TMEM30A: variants seen among roughly 807,000 people sequenced by gnomAD.
TMEM30A encodes cell division cycle 50 P4-ATPase accessory subunit A.
In TMEM30A, 24 loss-of-function variants were observed where a neutral mutation model predicts 38.2. The observed-to-expected ratio is 0.63, with a 90% confidence interval of 0.46 to 0.88. The LOEUF (loss-of-function observed/expected upper bound fraction) is 0.88. Ranked by LOEUF, TMEM30A falls within the 40% of genes least tolerant of loss-of-function variation. The pLI, the probability that TMEM30A is intolerant of heterozygous loss-of-function variation, is 0.00. For missense variants in TMEM30A, 370 were observed against 458.6 expected, an observed-to-expected ratio of 0.81 and a Z score of 1.77; for synonymous variants, 145 against 161.6, an observed-to-expected ratio of 0.90 and a Z score of 0.78.
At chr6:75,265,015 T>C (rs1351985223) in intron 3 of TMEM30A, among the ~76,000 whole-genome samples, 2 of 151,874 alleles carry the variant, frequency 1.3e-5, no homozygotes, top group Non-Finnish European at 2.9e-5. Context: ...CAAAATTGCT[T>C]GAACCTGGGG....
chr6:75,281,485 A>AC (rs1474805981), intron 1 of TMEM30A, among the ~76,000 whole-genome samples: 3 of 152,142 alleles, frequency 2.0e-5, no homozygotes, highest in Non-Finnish European at 4.4e-5. Context: ...CTAAAAACCA[A>AC]CTAAACAAGA....
Position 75,254,703 on chromosome 6 carries a change from T to C in TMEM30A, c.*1399A>G, listed in dbSNP as rs1771839514. ...TAAACTCTGAGTAAACAGGCATTCT[T>C]CTACACAAACATGAGTTATTTCAGT... On this transcript the variant is annotated 3_prime_UTR_variant, in exon 7 of 7. Transcript: ENST00000230461. 6.6e-6 allele frequency: 1 copy of C among 152,386 alleles called. No homozygotes were observed. Among genetic ancestry groups the C allele is most frequent in the Non-Finnish European group, 1.5e-5 (1 of 67,936 alleles). 9.4% of individuals were successfully genotyped at this position (152,386 alleles called of 1,614,324 possible).
Position 75,256,026 on chromosome 6 carries a change from T to C in TMEM30A, c.*76A>G, listed in dbSNP as rs1771860124. The C allele has an allele frequency of 1.4e-5, 14 of 1,020,522 alleles. 1 individual carries two copies. The South Asian group carries it at 2.2e-4, about 16-fold the overall frequency. 63.2% of individuals were successfully genotyped at this position (1,020,522 alleles called of 1,614,324 possible). A position where few individuals can be genotyped will look rare whatever the true frequency, so the allele number is the denominator to read the frequency against. On this transcript the variant is annotated 3_prime_UTR_variant, in exon 7 of 7. Transcript: ENST00000230461. ...ACTTCAAAATGACATACTAACCAGA[T>C]ATCAGCATTCGAAAGCTAGGTTGAA...
At chr6:75,277,118 A>G (rs1032379501) in intron 1 of TMEM30A, among the ~76,000 whole-genome samples, 1 of 152,150 alleles carries the variant, frequency 6.6e-6, no homozygotes, top group Admixed American at 6.5e-5. Flanking sequence ...AATGCAGCAA[A>G]TTAAGGAGTT....
At chr6:75,280,486 G>T (rs1020246383) in intron 1 of TMEM30A, among the ~76,000 whole-genome samples, 2 of 151,954 alleles carry the variant, frequency 1.3e-5, no homozygotes, top group Non-Finnish European at 2.9e-5. Context: ...ACAATTTTTT[G>T]GTAATATAGG....
chr6:75,267,567 G>A lies in TMEM30A; in HGVS notation c.345+74C>T, dbSNP rs190968092. 6,981 of 1,014,686 alleles carry A rather than the reference G, an allele frequency of 6.9e-3. 80 individuals carry two copies. The highest frequency in any genetic ancestry group is 0.031 in the South Asian group (1,581 of 50,268). 62.9% of individuals were successfully genotyped at this position (1,014,686 alleles called of 1,614,324 possible). ...CTTCTCTATAAAAGGAAAATACCTT[G>A]TAAAAGACATTTAGTACAGTATCAG... On this transcript the variant is annotated intron_variant, in intron 2 of 6. Coordinates refer to ENST00000230461, the MANE Select transcript of TMEM30A (RefSeq NM_018247.4).
intron 1 of TMEM30A, among the ~76,000 whole-genome samples, chr6:75,281,054 G>C (rs369470513): frequency 2.0e-5 from 3 of 152,120 alleles, no homozygotes; most frequent in African/African-American, 4.8e-5. Flanking sequence ...TTTATCAAAC[G>C]TGGGGAATGG....
At chr6:75,265,601 A>G (rs1772055341) in intron 2 of TMEM30A, among the ~76,000 whole-genome samples, 1 of 152,234 alleles carries the variant, frequency 6.6e-6, no homozygotes, top group African/African-American at 2.4e-5. Context: ...ATTAAAAGAG[A>G]ATATTCAAGG....
Position 75,256,177 on chromosome 6 carries a change from G to A in TMEM30A, c.1011C>T (p.Phe337=). 1 of 1,613,328 alleles carries A rather than the reference G, an allele frequency of 6.2e-7. No individual in the cohort carries two copies. The highest frequency in any genetic ancestry group is 1.3e-5 in the African/African-American group (1 of 74,982). Residue 337 remains phenylalanine (F), a synonymous_variant, in exon 7 of 7, where the codon TTC becomes TTT. Transcript: ENST00000230461. ...TTACTAGCAGTACAACTCCCAGAAGGAAGGAGATGGATCCAACAGCGATGT... is the reference window on the plus strand; with the variant it reads ...TTACTAGCAGTACAACTCCCAGAAGAAAGGAGATGGATCCAACAGCGATGT... ...IAYIAVGSIS[F]LLGVVLLVIN...
At chr6:75,256,356 T>A in intron 6 of TMEM30A, 61 bp from the exon 7 acceptor site, 1 of 1,455,154 alleles carries the variant, frequency 6.9e-7, no homozygotes, top group Non-Finnish European at 9.4e-7. Flanking sequence ...AATACAATTT[T>A]AAAAGTTGCC....
Position 75,279,752 on chromosome 6 carries a change from ACAGACT to A in TMEM30A, c.237+4644_237+4649del, listed in dbSNP as rs1480622851. Among the ~76,000 whole-genome samples the A allele has an allele frequency of 5.9e-5, 9 of 152,336 alleles. No homozygotes were observed. The South Asian group carries it at 1.5e-3, about 25-fold the overall frequency. On this transcript the variant is annotated intron_variant, in intron 1 of 6. Coordinates refer to ENST00000230461, the MANE Select transcript of TMEM30A (RefSeq NM_018247.4). ...TAAAAATACATTATATTTCTAAGAA[ACAGACT>A]CAGAATTTAATGCAGTGGGAAAGGA...
intron 3 of TMEM30A, among the ~76,000 whole-genome samples, chr6:75,264,836 T>C (rs1416099474): frequency 6.6e-6 from 1 of 152,044 alleles, no homozygotes; most frequent in Non-Finnish European, 1.5e-5. Context: ...GCATGGTGGC[T>C]CATGCCTGTA....
Position 75,253,407 on chromosome 6 carries a change from T to A in TMEM30A, c.*2695A>T, listed in dbSNP as rs1013042812. 1 of 152,312 alleles carries A rather than the reference T, an allele frequency of 6.6e-6. No individual in the cohort carries two copies. The highest frequency in any genetic ancestry group is 1.5e-5 in the Non-Finnish European group (1 of 68,002). The allele number at this position is 152,312 out of a possible 1,614,324, so 9.4% of individuals were successfully genotyped here. A position where few individuals can be genotyped will look rare whatever the true frequency, so the allele number is the denominator to read the frequency against. ...TAACTCAGATGATAATCTGACCACT[T>A]CCTGGTAAGAACAAATGGTTAATGT... On this transcript the variant is annotated 3_prime_UTR_variant, in exon 7 of 7. Transcript: ENST00000230461.
At chr6:75,267,182 AG>A (rs1445303433) in intron 2 of TMEM30A, among the ~76,000 whole-genome samples, 2 of 152,188 alleles carry the variant, frequency 1.3e-5, no homozygotes, top group Non-Finnish European at 2.9e-5. Context: ...ATGATCAGTA[AG>A]GTTTTAATAA....
intron 1 of TMEM30A, among the ~76,000 whole-genome samples, chr6:75,274,743 G>A (rs1582284238): frequency 6.6e-6 from 1 of 151,820 alleles, no homozygotes; most frequent in Non-Finnish European, 1.5e-5. Context: ...CAGTTCTCAG[G>A]CCGGGCGCGG....
At chr6:75,259,988 C>T (rs1387256811) in intron 4 of TMEM30A, among the ~76,000 whole-genome samples, 1 of 152,152 alleles carries the variant, frequency 6.6e-6, no homozygotes, top group East Asian at 1.9e-4. Context: ...TGAAGTATCT[C>T]AACTTTTATA....
At chr6:75,277,730 C>T (rs1359846901) in intron 1 of TMEM30A, among the ~76,000 whole-genome samples, 2 of 152,066 alleles carry the variant, frequency 1.3e-5, no homozygotes, top group South Asian at 2.1e-4. Context: ...CCAAGCGAGA[C>T]CCCCATCTCT....
chr6:75,283,966 C>A (rs1394049543), intron 1 of TMEM30A, among the ~76,000 whole-genome samples: 3 of 152,160 alleles, frequency 2.0e-5, no homozygotes, highest in Admixed American at 6.5e-5. Flanking sequence ...ATACTTCCCA[C>A]AAAGGTAATG....
At chr6:75,281,334 C>T (rs963496012) in intron 1 of TMEM30A, among the ~76,000 whole-genome samples, 13 of 152,048 alleles carry the variant, frequency 8.5e-5, no homozygotes, top group Non-Finnish European at 1.6e-4. Context: ...GTGCCTGACT[C>T]ACAATTGCCA....
Sources: allele counts gnomAD v4.1 joint callset (sites outside exome capture counted in the v4.1 genomes callset), GRCh38; gene constraint gnomAD v4.1.1; transcripts MANE v1.5; gene names NCBI Gene and HGNC (gene_info 2026-07-23, HGNC 2026-07-21).